Variants in PLRG1 observed in about 807,000 individuals in gnomAD.
The protein encoded by PLRG1 is pleiotropic regulator 1, also known as pleiotropic regulator 1 (PRL1 homolog, Arabidopsis).
A neutral mutation model predicts 74.9 loss-of-function variants in PLRG1; 28 were observed. The ratio of observed to expected loss-of-function variants is 0.37; its 90% CI spans 0.28 to 0.51. The LOEUF (loss-of-function observed/expected upper bound fraction) is 0.51. PLRG1 is among the 20% of genes least tolerant of loss of function. The pLI, the probability that PLRG1 is intolerant of heterozygous loss-of-function variation, is 0.91. For synonymous variants in PLRG1, 197 were observed against 212.4 expected, an observed-to-expected ratio of 0.93 and a Z score of 0.63; for missense variants, 445 against 631.9, an observed-to-expected ratio of 0.70 and a Z score of 3.17.
chr4:154,537,468 T>C lies in PLRG1; in HGVS notation c.1303A>G (p.Thr435Ala). The change falls in exon 14 of 15, where the codon ACC becomes GCC. Residue 435 changes from threonine (T) to alanine (A), a missense_variant. Around this residue, in one of 3 missense-constraint regions of PLRG1, gnomAD observed 221 missense variants for 377.7 expected, o/e 0.59. Transcript: ENST00000499023. ...GTTCTCCAGTCCCAAAGATGCATGG[T>C]GCCATTGTCAGCTTAAAGGGAAAAA... ...GVLVSGADNG[T>A]MHLWDWRTGY... 6.2e-7 allele frequency: 1 copy of C among 1,612,870 alleles called. No individual in the cohort carries two copies. Among genetic ancestry groups the C allele is most frequent in the Non-Finnish European group, 8.5e-7 (1 of 1,179,168 alleles).
At chr4:154,546,828 C>T (rs1729664117) in intron 4 of PLRG1, 183 bp downstream of exon 4, 1 of 589,140 alleles carries the variant, frequency 1.7e-6, no homozygotes, top group Non-Finnish European at 3.1e-6. Flanking sequence ...ATTATACGTA[C>T]TTAAGAATGT....
Position 154,547,037 on chromosome 4 carries a change from C to T in PLRG1, c.287G>A (p.Gly96Asp), listed in dbSNP as rs1236581245. The T allele has an allele frequency of 6.2e-7, 1 of 1,612,262 alleles. No individual in the cohort carries two copies. Among genetic ancestry groups the T allele is most frequent in the Non-Finnish European group, 8.5e-7 (1 of 1,178,494 alleles). ...QGQEVEYFVAGTHPYPPGPGV... is the reference protein window; with the variant it reads ...QGQEVEYFVADTHPYPPGPGV... The stretch of plus-strand genomic sequence containing the variant: ...AGGTCCTGGTGGGTATGGATGTGTA[C>T]CTGCCACAAAGTATTCAACTTCTTG... Residue 96 changes from glycine (G) to aspartate (D), a missense_variant, in exon 4 of 15, where the codon GGT becomes GAT. This residue lies in a region of PLRG1 where 206 missense variants were observed against 210.8 expected (regional missense o/e 0.98). Transcript: ENST00000499023.
At chr4:154,544,416 C>T in intron 7 of PLRG1, 29 bp downstream of exon 7, 1 of 1,183,900 alleles carries the variant, frequency 8.4e-7, no homozygotes, top group Non-Finnish European at 1.3e-6. Flanking sequence ...TCATGGTTCA[C>T]ATAATAAAAT....
Position 154,540,703 on chromosome 4 carries a change from C to G in PLRG1, c.838-8G>C. 6.2e-7 allele frequency: 1 copy of G among 1,612,070 alleles called. No individual in the cohort carries two copies. On this transcript the variant is annotated splice_polypyrimidine_tract_variant and splice_region_variant and intron_variant, in intron 9 of 14. Transcript: ENST00000499023. ...ATGATAATGCCGTATAACCTAAAGA[C>G]AAAGCAGGAAAGTTAAAACTTCTAG...
chr4:154,546,629 T>C (rs1729661098), intron 4 of PLRG1: 2 of 306,440 alleles, frequency 6.5e-6, no homozygotes, highest in African/African-American at 4.3e-5. Context: ...CCTGTTACAC[T>C]GGCCACTCCA....
At chr4:154,545,330 T>A (rs887057045) in intron 6 of PLRG1, among the ~76,000 whole-genome samples, 7 of 149,734 alleles carry the variant, frequency 4.7e-5, no homozygotes, top group Non-Finnish European at 8.9e-5. Context: ...ATGCTGCAGA[T>A]AAATCAATAA....
At chr4:154,540,271 T>C (rs1729531800) in intron 10 of PLRG1, 3 of 584,268 alleles carry the variant, frequency 5.1e-6, no homozygotes, top group East Asian at 2.8e-5. Context: ...ATCAGGGTAC[T>C]GAAAATCTAA....
chr4:154,549,327 G>C (rs540727499), intron 1 of PLRG1, among the ~76,000 whole-genome samples: 4 of 152,326 alleles, frequency 2.6e-5, no homozygotes, highest in South Asian at 4.2e-4. Flanking sequence ...AAGGCAACAA[G>C]CAAGGCGCTG....
In PLRG1 at chr4:154,544,333, G is replaced by C. The variant is rs139137549; in HGVS notation, c.594+112C>G. On this transcript the variant is annotated intron_variant, in intron 7 of 14. Coordinates refer to ENST00000499023, the MANE Select transcript of PLRG1 (RefSeq NM_002669.4). ...GACTCTTCTCAATCCACCTCAGATC[G>C]CTCTACCAGCTTTTCATATTCACTC... 749 of 673,090 alleles carry C rather than the reference G, an allele frequency of 1.1e-3. 13 individuals carry two copies. The East Asian group carries it at 0.015, about 14-fold the overall frequency. The allele number at this position is 673,090 out of a possible 1,614,324, so 41.7% of individuals were successfully genotyped here. A position where few individuals can be genotyped will look rare whatever the true frequency, so the allele number is the denominator to read the frequency against.
At chr4:154,546,005 T>TATTTAGTTTAA (rs1729645481) in intron 5 of PLRG1, 82 bp from the exon 6 acceptor site, 4 of 1,106,674 alleles carry the variant, frequency 3.6e-6, no homozygotes, top group Non-Finnish European at 5.3e-6. Flanking sequence ...TATTTTAAAT[T>TATTTAGTTTAA]GTTATAAAGT....
intron 13 of PLRG1, among the ~76,000 whole-genome samples, 171 bp downstream of exon 13, chr4:154,537,798 A>G (rs940375984): frequency 6.6e-6 from 1 of 152,148 alleles, no homozygotes; most frequent in African/African-American, 2.4e-5. Flanking sequence ...AATATACTAC[A>G]TGTAATATGA....
At chr4:154,547,535 A>T in intron 3 of PLRG1, 176 bp downstream of exon 3, 1 of 617,466 alleles carries the variant, frequency 1.6e-6, no homozygotes, top group Non-Finnish European at 2.8e-6. Flanking sequence ...CTATAAGAAA[A>T]AAGTCATCAA....
intron 7 of PLRG1, among the ~76,000 whole-genome samples, chr4:154,542,928 G>C (rs1729580289): frequency 6.6e-6 from 1 of 152,198 alleles, no homozygotes; most frequent in Non-Finnish European, 1.5e-5. Context: ...TACAAAAATA[G>C]ATAAAGGGAG....
chr4:154,535,798 T>C lies in PLRG1; in HGVS notation c.*887A>G, dbSNP rs572140848. ...TAGCTGCACTGGTATCTCCAGTTATTTTCCCCAAGTTTCAATACCAGTATT... is the reference window on the plus strand; with the variant it reads ...TAGCTGCACTGGTATCTCCAGTTATCTTCCCCAAGTTTCAATACCAGTATT... On this transcript the variant is annotated 3_prime_UTR_variant, in exon 15 of 15. Transcript: ENST00000499023. 2.6e-5 allele frequency: 4 copies of C among 152,238 alleles called. No individual in the cohort carries two copies. The highest frequency in any genetic ancestry group is 2.6e-4 in the Admixed American group (4 of 15,278). 9.4% of individuals were successfully genotyped at this position (152,238 alleles called of 1,614,324 possible).
intron 13 of PLRG1, 115 bp from the exon 14 acceptor site, chr4:154,537,594 A>G (rs1331363194): frequency 4.6e-6 from 3 of 658,680 alleles, no homozygotes; most frequent in African/African-American, 3.6e-5. Context: ...AAAATACATA[A>G]GACACAGGCA....
intron 7 of PLRG1, among the ~76,000 whole-genome samples, chr4:154,542,975 T>G (rs1160833296): frequency 6.6e-6 from 1 of 152,172 alleles, no homozygotes; most frequent in African/African-American, 2.4e-5. Flanking sequence ...TTTGGTTAGC[T>G]AGTTTGGTAG....
chr4:154,542,051 G>C, intron 8 of PLRG1, 136 bp downstream of exon 8: 2 of 623,364 alleles, frequency 3.2e-6, no homozygotes, highest in South Asian at 4.1e-5. Context: ...TAGTATAAAT[G>C]ATAAATTTTA....
chr4:154,535,231 A>T lies in PLRG1; in HGVS notation c.*1454T>A, dbSNP rs541828698. On this transcript the variant is annotated 3_prime_UTR_variant, in exon 15 of 15. Coordinates refer to ENST00000499023, the MANE Select transcript of PLRG1 (RefSeq NM_002669.4). ...CAAGTTTAGAAATCTTGCCCTAATA[A>T]TCCAGACATTCCTCACTCTCTTAAC... is the stretch of plus-strand genomic sequence containing the variant. 1 of 151,868 alleles carries T rather than the reference A, an allele frequency of 6.6e-6. No individual in the cohort carries two copies. The highest frequency in any genetic ancestry group is 1.5e-5 in the Non-Finnish European group (1 of 67,956). 9.4% of individuals were successfully genotyped at this position (151,868 alleles called of 1,614,324 possible).
intron 4 of PLRG1, chr4:154,546,435 G>T: frequency 1.9e-6 from 1 of 528,360 alleles, no homozygotes. Flanking sequence ...CAGCCCACAT[G>T]GTATTAAAGC....
Sources: gnomAD v4.1 joint callset for allele counts (sites outside exome capture counted in the v4.1 genomes callset) on GRCh38, gnomAD v4.1.1 for gene constraint, gnomAD v4.1.1 regional missense constraint, MANE v1.5 for transcripts, NCBI Gene and HGNC (gene_info 2026-07-23, HGNC 2026-07-21) for gene names.